The following LRP1B variants were observed in gnomAD, a reference collection of about 807,000 sequenced individuals.
LRP1B encodes the protein low-density lipoprotein receptor-related protein 1B.
Under a neutral mutation model 556.6 loss-of-function variants are expected in LRP1B, and 217 were observed. That is an observed-to-expected ratio of 0.39 (90% CI 0.35 to 0.44). The LOEUF (loss-of-function observed/expected upper bound fraction) is 0.44, where lower values mean the gene tolerates loss of function less well. Ranked by LOEUF, LRP1B falls within the 20% of genes least tolerant of loss-of-function variation. The pLI is 1.00. For synonymous variants in LRP1B, 2,047 were observed against 1,865.8 expected (o/e 1.10, Z -2.50); for missense variants, 5,053 against 5,620.8 (o/e 0.90, Z 3.23).
At chr2:140,400,563 A>G (rs925687358) in intron 66 of LRP1B, among the ~76,000 whole-genome samples, 1 of 152,212 alleles carries the variant, frequency 6.6e-6, no homozygotes, top group Non-Finnish European at 1.5e-5. Context: ...AATTTGAGAC[A>G]AGATTTATGC....
At chr2:140,976,183 A>T (rs1319349499) in intron 18 of LRP1B, among the ~76,000 whole-genome samples, 1 of 151,852 alleles carries the variant, frequency 6.6e-6, no homozygotes, top group Non-Finnish European at 1.5e-5. Flanking sequence ...GCCTGCCAAA[A>T]TGCTGAGATA....
At chr2:140,747,387 G>A (rs1182501488) in intron 35 of LRP1B, among the ~76,000 whole-genome samples, 2 of 152,180 alleles carry the variant, frequency 1.3e-5, no homozygotes, top group Non-Finnish European at 2.9e-5. Flanking sequence ...CGGATTCAAT[G>A]TAGCTGAACT....
chr2:140,814,225 A>G, intron 31 of LRP1B, among the ~76,000 whole-genome samples: 1 of 152,036 alleles, frequency 6.6e-6, no homozygotes, highest in Middle Eastern at 3.2e-3. Flanking sequence ...CGATCCTGTC[A>G]CCTTGGCCTC....
At chr2:140,322,498 C>A (rs530605038) in intron 81 of LRP1B, among the ~76,000 whole-genome samples, 25 of 152,062 alleles carry the variant, frequency 1.6e-4, no homozygotes, top group African/African-American at 5.5e-4. Flanking sequence ...CAGAGCTGTT[C>A]TAACAGACAA....
rs147643517 is a variant in LRP1B, at chr2:141,294,335, A to T, written c.344-39694T>A. Reference sequence around the variant, plus strand: ...ATATAAACATATTATGACTTAAGAAAAGTCAAGATTAAATTTTTAAACAAA... The same window carrying T: ...ATATAAACATATTATGACTTAAGAATAGTCAAGATTAAATTTTTAAACAAA... On this transcript the variant is annotated intron_variant, in intron 3 of 90. Transcript: ENST00000389484. Among the ~76,000 whole-genome samples the T allele has an allele frequency of 7.9e-3, 1,208 of 152,270 alleles. 55 individuals carry two copies. The highest frequency in any genetic ancestry group is 0.067 in the Admixed American group (1,022 of 15,290).
intron 83 of LRP1B, among the ~76,000 whole-genome samples, chr2:140,310,824 AG>A (rs1410605276): frequency 6.6e-6 from 1 of 151,888 alleles, no homozygotes; most frequent in African/African-American, 2.4e-5. Context: ...AAAACTTTCC[AG>A]GACACTGGCC....
chr2:140,965,270 T>C (rs1443390411), intron 18 of LRP1B, among the ~76,000 whole-genome samples: 1 of 152,172 alleles, frequency 6.6e-6, no homozygotes, highest in Non-Finnish European at 1.5e-5. Context: ...CTTAAGTATT[T>C]CTTGTGGTTC....
intron 3 of LRP1B, among the ~76,000 whole-genome samples, chr2:141,290,717 G>A (rs1293572696): frequency 2.0e-5 from 3 of 152,010 alleles, no homozygotes; most frequent in Admixed American, 6.5e-5. Context: ...ACACAAATTA[G>A]AACTAGTTTC....
At chr2:140,586,141 A>G (rs555491231) in intron 43 of LRP1B, among the ~76,000 whole-genome samples, 1 of 152,270 alleles carries the variant, frequency 6.6e-6, no homozygotes, top group East Asian at 1.9e-4. Flanking sequence ...CTTATGTACA[A>G]CTTAAAACTC....
rs574841400 is a variant in LRP1B, at chr2:141,572,467, C to T, written c.206-91934G>A. ...GAAAGGAAAATCTACTACCAGCCAC[C>T]GCAAAAACACACCAAAATATAAAAG... On this transcript the variant is annotated intron_variant, in intron 2 of 90. Transcript: ENST00000389484. 2.0e-3 allele frequency among the ~76,000 whole-genome samples: 299 copies of T among 152,054 alleles called. 3 individuals are homozygous for T. The highest frequency in any genetic ancestry group is 6.9e-3 in the African/African-American group (287 of 41,496).
chr2:142,037,319 AAGAC>A (rs1703913062), intron 1 of LRP1B, among the ~76,000 whole-genome samples: 1 of 151,610 alleles, frequency 6.6e-6, no homozygotes, highest in South Asian at 2.1e-4. Flanking sequence ...ATGAGTCACA[AAGAC>A]AGAACACCAT....
intron 41 of LRP1B, among the ~76,000 whole-genome samples, chr2:140,615,053 G>A (rs1379571246): frequency 4.6e-5 from 7 of 152,116 alleles, no homozygotes; most frequent in Non-Finnish European, 7.4e-5. Context: ...CAGGAGTTAT[G>A]TAACAGAGGC....
At chr2:140,662,763 T>C (rs962179567) in intron 41 of LRP1B, among the ~76,000 whole-genome samples, 5 of 152,152 alleles carry the variant, frequency 3.3e-5, no homozygotes, top group African/African-American at 9.7e-5. Context: ...CATGAAACAT[T>C]GCCTTAGGTC....
intron 2 of LRP1B, among the ~76,000 whole-genome samples, chr2:141,554,523 A>T (rs895764519): frequency 2.0e-5 from 3 of 151,760 alleles, no homozygotes; most frequent in Non-Finnish European, 4.4e-5. Context: ...TTTTTACTAT[A>T]ACTTTATACC....
chr2:141,094,706 TG>T (rs1403832328), intron 7 of LRP1B, among the ~76,000 whole-genome samples: 7 of 152,214 alleles, frequency 4.6e-5, no homozygotes, highest in Admixed American at 3.9e-4. Flanking sequence ...TGATCTAAGC[TG>T]AGGAAGAACT....
chr2:141,235,641 A>G (rs751351708), intron 5 of LRP1B, among the ~76,000 whole-genome samples: 1 of 152,132 alleles, frequency 6.6e-6, no homozygotes, highest in Non-Finnish European at 1.5e-5. Context: ...TCAGTTTTTC[A>G]GTTTTCTGCA....
At chr2:140,388,142 G>C (rs13030603) in intron 66 of LRP1B, among the ~76,000 whole-genome samples, 13,336 of 152,058 alleles carry the variant, frequency 0.088, 685 homozygotes, top group Middle Eastern at 0.14. Context: ...TCGCCATGTA[G>C]GCCAGGCTGG....
At chr2:141,038,940 A>G (rs1436024903) in intron 11 of LRP1B, among the ~76,000 whole-genome samples, 2 of 152,092 alleles carry the variant, frequency 1.3e-5, no homozygotes, top group Non-Finnish European at 2.9e-5. Context: ...TATTAATGTA[A>G]CAATTATATA....
At chr2:141,393,649 G>A (rs1437703944) in intron 3 of LRP1B, among the ~76,000 whole-genome samples, 1 of 152,094 alleles carries the variant, frequency 6.6e-6, no homozygotes, top group Non-Finnish European at 1.5e-5. Context: ...CTCAGGCTTG[G>A]ACTGGGTCGG....
Sources: gnomAD v4.1 joint callset for allele counts (sites outside exome capture counted in the v4.1 genomes callset) on GRCh38, gnomAD v4.1.1 for gene constraint, MANE v1.5 for transcripts, NCBI Gene and HGNC (gene_info 2026-07-23, HGNC 2026-07-21) for gene names.